Variants in ELOVL2 observed in about 807,000 individuals in gnomAD.
ELOVL2 encodes ELOVL fatty acid elongase 2.
ELOVL2 carries 38 observed loss-of-function variants against 37.7 expected under a neutral mutation model. The observed-to-expected ratio is 1.01, with a 90% CI of 0.78 to 1.32. The LOEUF is 1.32. Ranked by LOEUF, ELOVL2 falls within the 40% of genes most tolerant of loss-of-function variation. The pLI is 0.00. For synonymous variants in ELOVL2, 115 were observed against 122.3 expected (o/e 0.94, Z 0.40); for missense variants, 352 against 363.6 (o/e 0.97, Z 0.26).
intron 1 of ELOVL2, among the ~76,000 whole-genome samples, chr6:11,021,306 TAGTCA>T (rs1782762813): frequency 6.6e-6 from 1 of 152,222 alleles, no homozygotes; most frequent in Non-Finnish European, 1.5e-5. Context: ...TCTCCCAAAC[TAGTCA>T]AGATCTTCTT....
intron 1 of ELOVL2, among the ~76,000 whole-genome samples, chr6:11,042,250 T>C (rs1246701996): frequency 6.6e-6 from 1 of 151,846 alleles, no homozygotes; most frequent in Non-Finnish European, 1.5e-5. Flanking sequence ...GAGGTGGAGG[T>C]TGCAGTGAGC....
intron 1 of ELOVL2, among the ~76,000 whole-genome samples, chr6:11,014,632 T>A (rs1485054102): frequency 2.0e-5 from 3 of 151,104 alleles, no homozygotes; most frequent in Non-Finnish European, 4.4e-5. Flanking sequence ...TGATGTGTGG[T>A]CTCTGGCATT....
chr6:10,999,272 TG>T (rs1782330596), intron 4 of ELOVL2, among the ~76,000 whole-genome samples: 1 of 152,182 alleles, frequency 6.6e-6, no homozygotes, highest in South Asian at 2.1e-4. Context: ...TTTATAATTA[TG>T]TAAAGCACTC....
At chr6:10,996,879 G>A (rs775689401) in intron 4 of ELOVL2, among the ~76,000 whole-genome samples, 55 of 151,848 alleles carry the variant, frequency 3.6e-4, no homozygotes, top group Non-Finnish European at 5.6e-4. Flanking sequence ...GTGTGGTGGC[G>A]GGTGCCTGTA....
At chr6:11,010,924 C>T (rs749323771) in intron 1 of ELOVL2, 115 bp from the exon 2 acceptor site, 3 of 754,916 alleles carry the variant, frequency 4.0e-6, no homozygotes, top group Non-Finnish European at 6.5e-6. Flanking sequence ...GTCCCAGCTT[C>T]AAGGACTTTT....
Position 10,990,368 on chromosome 6 carries a change from A to C in ELOVL2, c.580T>G (p.Ser194Ala), listed in dbSNP as rs770419316. 6.2e-7 allele frequency: 1 copy of C among 1,613,176 alleles called. No homozygotes were observed. The highest frequency in any genetic ancestry group is 8.5e-7 in the Non-Finnish European group (1 of 1,179,632). The part of the protein sequence containing the change: ...YSYYGLSVFP[S>A]MHKYLWWKKY... ...TTCCACCAAAGATACTTGTGCATAG[A>C]TGGAAACACAGAAAGTCCATAGTAG... Residue 194 changes from serine (S) to alanine (A), a missense_variant, in exon 6 of 8, where the codon TCT becomes GCT. By Grantham distance (99) the Ser-to-Ala change is moderately conservative. Coordinates refer to ENST00000354666, the MANE Select transcript of ELOVL2 (RefSeq NM_017770.4).
intron 1 of ELOVL2, among the ~76,000 whole-genome samples, chr6:11,032,470 G>A (rs984088040): frequency 6.6e-6 from 1 of 151,960 alleles, no homozygotes; most frequent in Non-Finnish European, 1.5e-5. Flanking sequence ...TGGAAATTTA[G>A]TTGCACATGC....
At chr6:11,043,198 AT>A (rs1783129640) in intron 1 of ELOVL2, among the ~76,000 whole-genome samples, 1 of 152,150 alleles carries the variant, frequency 6.6e-6, no homozygotes, top group South Asian at 2.1e-4. Context: ...AAGTGCGCTT[AT>A]TTTAACAAGT....
chr6:10,991,121 A>G (rs1292775537), intron 5 of ELOVL2, among the ~76,000 whole-genome samples: 5 of 152,248 alleles, frequency 3.3e-5, no homozygotes, highest in Non-Finnish European at 7.3e-5. Context: ...CCTCCACCAT[A>G]GGTGAATAAG....
At chr6:11,029,223 CAAAAAAAAA>C (rs376639413) in intron 1 of ELOVL2, among the ~76,000 whole-genome samples, 22,819 of 76,008 alleles carry the variant, frequency 0.3, 2,695 homozygotes, top group East Asian at 0.57. Context: ...AGGGAGATCT[CAAAAAAAAA>C]AAAAAAAAAA....
In ELOVL2 at chr6:11,044,099, G is replaced by A; in HGVS notation, c.3+129C>T. ...CCGCGCGGACCCGGCCCCTCCGAGG[G>A]TAGCGGGTTCCAGCGGCGAACCCGC... is the stretch of plus-strand genomic sequence containing the variant. On this transcript the variant is annotated intron_variant, in intron 1 of 7. Transcript: ENST00000354666. This position sits in a 1 kb window ranked among gnomAD's most constrained non-coding sequence, Gnocchi z 5.6. 8.3e-7 allele frequency: 1 copy of A among 1,203,014 alleles called. No individual in the cohort carries two copies. The highest frequency in any genetic ancestry group is 1.1e-6 in the Non-Finnish European group (1 of 932,320). The allele number at this position is 1,203,014 out of a possible 1,614,324, so 74.5% of individuals were successfully genotyped here. A position where few individuals can be genotyped will look rare whatever the true frequency, so the allele number is the denominator to read the frequency against.
intron 1 of ELOVL2, among the ~76,000 whole-genome samples, chr6:11,016,069 A>G (rs1561723537): frequency 6.6e-6 from 1 of 152,132 alleles, no homozygotes; most frequent in Admixed American, 6.5e-5. Flanking sequence ...TTTCTCTGGT[A>G]TCTAAAGGAT....
At chr6:11,013,705 G>T (rs1782622419) in intron 1 of ELOVL2, among the ~76,000 whole-genome samples, 2 of 152,028 alleles carry the variant, frequency 1.3e-5, no homozygotes. Flanking sequence ...CACGACAGAA[G>T]ATACAGGCGT....
Position 10,983,684 on chromosome 6 carries a change from T to C in ELOVL2, c.*97A>G. On this transcript the variant is annotated 3_prime_UTR_variant, in exon 8 of 8. Transcript: ENST00000354666. ...AAATGATTTATGAACTCAAAAGAAA[T>C]TAGTTTATCCTAAAACATGTAACCT... The C allele has an allele frequency of 7.6e-7, 1 of 1,311,342 alleles. No individual in the cohort carries two copies. Among genetic ancestry groups the C allele is most frequent in the East Asian group, 2.5e-5 (1 of 39,812 alleles). The allele number at this position is 1,311,342 out of a possible 1,614,324, so 81.2% of individuals were successfully genotyped here.
intron 7 of ELOVL2, among the ~76,000 whole-genome samples, chr6:10,989,473 C>T (rs1440498623): frequency 2.0e-5 from 3 of 152,060 alleles, no homozygotes; most frequent in African/African-American, 4.8e-5. Flanking sequence ...GCCAACATGG[C>T]GAAACCCCAT....
At chr6:11,013,206 T>G (rs1341234803) in intron 1 of ELOVL2, among the ~76,000 whole-genome samples, 1 of 152,196 alleles carries the variant, frequency 6.6e-6, no homozygotes, top group East Asian at 1.9e-4. Context: ...AGAAACCTGA[T>G]AAAAATTCTC....
chr6:11,005,569 AAC>A lies in ELOVL2; in HGVS notation c.68-12_68-11del, dbSNP rs1179152285. 6.2e-7 allele frequency: 1 copy of A among 1,609,932 alleles called. No individual in the cohort carries two copies. Among genetic ancestry groups the A allele is most frequent in the South Asian group, 1.1e-5 (1 of 90,356 alleles). On this transcript the variant is annotated splice_polypyrimidine_tract_variant and intron_variant, in intron 2 of 7. Coordinates refer to ENST00000354666, the MANE Select transcript of ELOVL2 (RefSeq NM_017770.4). ...CCTCTGACTCGAGAATCTGAAAAGA[AAC>A]ACATACAGTGAGGATCCTGAGGAAT...
At chr6:11,038,955 T>C (rs369728692) in intron 1 of ELOVL2, among the ~76,000 whole-genome samples, 1 of 152,202 alleles carries the variant, frequency 6.6e-6, no homozygotes, top group East Asian at 1.9e-4. Flanking sequence ...TGTAAGAGGA[T>C]CAGGTGTGGT....
chr6:11,025,659 C>T (rs549103799), intron 1 of ELOVL2, among the ~76,000 whole-genome samples: 153 of 152,256 alleles, frequency 1.0e-3, no homozygotes, highest in African/African-American at 3.4e-3. Flanking sequence ...CATACAAATA[C>T]TTTAAGAGAT....
Sources: allele counts gnomAD v4.1 joint callset (sites outside exome capture counted in the v4.1 genomes callset), GRCh38; gene constraint gnomAD v4.1.1; non-coding constraint Gnocchi (gnomAD v3.1); transcripts MANE v1.5; gene names NCBI Gene and HGNC (gene_info 2026-07-23, HGNC 2026-07-21).